The following LYPD6 variants were observed in gnomAD, a reference collection of about 807,000 sequenced individuals.
The protein encoded by LYPD6 is LY6/PLAUR domain containing 6.
Under a neutral mutation model 22.7 loss-of-function variants are expected in LYPD6, and 15 were observed. That is an observed-to-expected ratio of 0.66 (90% confidence interval 0.44 to 1.02). The LOEUF (loss-of-function observed/expected upper bound fraction) is 1.02. Ranked by LOEUF, LYPD6 falls within the 50% of genes least tolerant of loss-of-function variation. The pLI, the probability that LYPD6 is intolerant of heterozygous loss-of-function variation, is 0.00. For missense variants in LYPD6, 189 were observed against 208.4 expected (o/e 0.91, Z 0.57); for synonymous variants, 72 against 77.5 (o/e 0.93, Z 0.37).
At chr2:149,419,869 C>T (rs189604859) in intron 1 of LYPD6, among the ~76,000 whole-genome samples, 18 of 152,056 alleles carry the variant, frequency 1.2e-4, no homozygotes, top group Admixed American at 1.0e-3. Context: ...TCTTTCTGCT[C>T]ATAAGGAAAA....
intron 2 of LYPD6, among the ~76,000 whole-genome samples, chr2:149,440,968 G>A (rs1426756615): frequency 6.6e-6 from 1 of 152,066 alleles, no homozygotes; most frequent in Non-Finnish European, 1.5e-5. Context: ...GCCTCCCAAA[G>A]TGTTGGGATT....
At chr2:149,424,954 T>C (rs533268148) in intron 1 of LYPD6, among the ~76,000 whole-genome samples, 1 of 152,264 alleles carries the variant, frequency 6.6e-6, no homozygotes, top group South Asian at 2.1e-4. Flanking sequence ...GGTTGGAGAC[T>C]GGAAAGCTTC....
chr2:149,398,368 TAGA>T (rs1682472260), intron 1 of LYPD6, among the ~76,000 whole-genome samples: 1 of 152,102 alleles, frequency 6.6e-6, no homozygotes, highest in South Asian at 2.1e-4. Context: ...TTTCCTATTG[TAGA>T]AGATTATCCT....
At chr2:149,351,412 A>G (rs951125905) in intron 1 of LYPD6, among the ~76,000 whole-genome samples, 15 of 151,102 alleles carry the variant, frequency 9.9e-5, no homozygotes, top group African/African-American at 7.3e-5. Flanking sequence ...AAAAAAAAAA[A>G]AAAGAAAGAA....
downstream of LYPD6, among the ~76,000 whole-genome samples, chr2:149,476,189 A>G (rs1558822345): frequency 6.6e-6 from 1 of 152,170 alleles, no homozygotes; most frequent in Non-Finnish European, 1.5e-5. Flanking sequence ...AAAACAATTT[A>G]GAGGCCTCCT....
At chr2:149,345,306 ATTT>A (rs3073147) in intron 1 of LYPD6, among the ~76,000 whole-genome samples, 2 of 127,332 alleles carry the variant, frequency 1.6e-5, no homozygotes, top group African/African-American at 3.1e-5. Flanking sequence ...CTTAATTTAA[ATTT>A]TTTTTTTTTT....
rs1298461658 is a variant in LYPD6, at chr2:149,339,450, AG to A, written c.-72+8729del. On this transcript the variant is annotated intron_variant, in intron 1 of 4. Transcript: ENST00000334166. ...TTTCCAGAATCATGGCCCTCAGGGA[AG>A]CCCCAAGCATGGTGTCCTATCAGGT... 2.6e-5 allele frequency among the ~76,000 whole-genome samples: 4 copies of A among 152,270 alleles called. No individual in the cohort carries two copies. The East Asian group carries it at 7.7e-4, about 29-fold the overall frequency.
At chr2:149,412,974 A>G (rs990514022) in intron 1 of LYPD6, among the ~76,000 whole-genome samples, 1 of 152,132 alleles carries the variant, frequency 6.6e-6, no homozygotes, top group Non-Finnish European at 1.5e-5. Flanking sequence ...CAATCATAGC[A>G]ACTGTATTTT....
intron 1 of LYPD6, among the ~76,000 whole-genome samples, chr2:149,426,886 A>T (rs1177485807): frequency 2.0e-5 from 3 of 152,198 alleles, no homozygotes; most frequent in Admixed American, 2.0e-4. Context: ...CAGAATCTTC[A>T]TGCCAGCCCT....
At chr2:149,419,348 C>T (rs948918097) in intron 1 of LYPD6, among the ~76,000 whole-genome samples, 2 of 152,166 alleles carry the variant, frequency 1.3e-5, no homozygotes, top group Admixed American at 6.5e-5. Flanking sequence ...TTCTTCTTCA[C>T]CCTACTCCTA....
chr2:149,347,602 G>A (rs1466061882), intron 1 of LYPD6, among the ~76,000 whole-genome samples: 2 of 152,088 alleles, frequency 1.3e-5, no homozygotes, highest in Non-Finnish European at 2.9e-5. Context: ...TTTATTTGCT[G>A]TAATTTTATC....
chr2:149,416,982 A>T (rs1682978224), intron 1 of LYPD6, among the ~76,000 whole-genome samples: 3 of 152,148 alleles, frequency 2.0e-5, no homozygotes. Flanking sequence ...GTTATGCTGT[A>T]CAGGATCTCG....
chr2:149,466,179 C>A (rs913393562), intron 3 of LYPD6, among the ~76,000 whole-genome samples: 7 of 152,144 alleles, frequency 4.6e-5, no homozygotes, highest in African/African-American at 1.7e-4. Context: ...CCCCGATAAA[C>A]CTTTGGAGAT....
chr2:149,426,221 A>G (rs1020965944), intron 1 of LYPD6, among the ~76,000 whole-genome samples: 1 of 152,190 alleles, frequency 6.6e-6, no homozygotes, highest in Non-Finnish European at 1.5e-5. Flanking sequence ...CACCTACCAG[A>G]TTAGTAATTA....
At chr2:149,347,419 C>T (rs1406857064) in intron 1 of LYPD6, among the ~76,000 whole-genome samples, 1 of 152,126 alleles carries the variant, frequency 6.6e-6, no homozygotes, top group African/African-American at 2.4e-5. Flanking sequence ...GGCTCCTCAT[C>T]TCTCTCTGGC....
chr2:149,462,407 TG>T (rs1244134057), intron 3 of LYPD6, among the ~76,000 whole-genome samples: 1 of 151,634 alleles, frequency 6.6e-6, no homozygotes, highest in African/African-American at 2.4e-5. Flanking sequence ...GAAACGTCAA[TG>T]AAAAAAATAA....
At chr2:149,453,531 G>T (rs1285054105) in intron 3 of LYPD6, among the ~76,000 whole-genome samples, 1 of 152,192 alleles carries the variant, frequency 6.6e-6, no homozygotes, top group African/African-American at 2.4e-5. Context: ...TATTGAGTTA[G>T]AGGACACATA....
At chr2:149,347,901 G>A (rs1681286521) in intron 1 of LYPD6, among the ~76,000 whole-genome samples, 1 of 151,304 alleles carries the variant, frequency 6.6e-6, no homozygotes, top group Non-Finnish European at 1.5e-5. Flanking sequence ...TTTTTTTCTG[G>A]GCCCTACCCA....
At chr2:149,406,357 T>C (rs1259491817) in intron 1 of LYPD6, among the ~76,000 whole-genome samples, 1 of 151,796 alleles carries the variant, frequency 6.6e-6, no homozygotes, top group Non-Finnish European at 1.5e-5. Context: ...ATTATTATTG[T>C]GTGGGAGTCT....
Sources: gnomAD v4.1 joint callset for allele counts (sites outside exome capture counted in the v4.1 genomes callset) on GRCh38, gnomAD v4.1.1 for gene constraint, MANE v1.5 for transcripts, NCBI Gene and HGNC (gene_info 2026-07-23, HGNC 2026-07-21) for gene names.